The following HSPA12A variants were observed in gnomAD, a reference collection of about 807,000 sequenced individuals.
HSPA12A encodes the protein heat shock protein family A (Hsp70) member 12A.
HSPA12A carries 28 observed loss-of-function variants against 69.2 expected under a neutral mutation model. The observed-to-expected ratio is 0.40, with a 90% CI of 0.30 to 0.55. The LOEUF (loss-of-function observed/expected upper bound fraction) is 0.55. Among genes scored for constraint, HSPA12A ranks in the 20% least tolerant of loss-of-function variants. The pLI is 0.38. For missense variants in HSPA12A, 686 were observed against 900.7 expected (o/e 0.76, Z 3.05); for synonymous variants, 345 against 370.5 (o/e 0.93, Z 0.79).
intron 9 of HSPA12A, among the ~76,000 whole-genome samples, chr10:116,680,898 C>T (rs1554878484): frequency 6.6e-6 from 1 of 152,242 alleles, no homozygotes. Context: ...TTTTCAGAAA[C>T]CAGCGCCCTT....
intron 6 of HSPA12A, among the ~76,000 whole-genome samples, chr10:116,690,145 A>C (rs1849695424): frequency 6.6e-6 from 1 of 152,124 alleles, no homozygotes; most frequent in South Asian, 2.1e-4. Context: ...AGAGTTGCAA[A>C]TTTCACTTCC....
intron 2 of HSPA12A, among the ~76,000 whole-genome samples, chr10:116,817,395 A>C (rs1845325470): frequency 6.6e-6 from 1 of 152,110 alleles, no homozygotes; most frequent in Non-Finnish European, 1.5e-5. Flanking sequence ...GCTGGGTGCT[A>C]ACCCTCGGCA....
At chr10:116,707,883 T>G (rs911376304) in intron 1 of HSPA12A, among the ~76,000 whole-genome samples, 11 of 151,790 alleles carry the variant, frequency 7.2e-5, no homozygotes, top group African/African-American at 2.7e-4. Context: ...ATACTGAAGG[T>G]TTGGGACCTT....
intron 2 of HSPA12A, among the ~76,000 whole-genome samples, chr10:116,812,221 G>A (rs953487960): frequency 6.6e-6 from 1 of 152,126 alleles, no homozygotes; most frequent in African/African-American, 2.4e-5. Flanking sequence ...GGGAGGCTGA[G>A]GCAGGCAGAT....
chr10:116,677,984 CTT>C (rs5788184), intron 10 of HSPA12A, among the ~76,000 whole-genome samples: 151 of 148,138 alleles, frequency 1.0e-3, no homozygotes, highest in Admixed American at 1.2e-3. Flanking sequence ...GAAATTGATT[CTT>C]TTTTTTTTTT....
At chr10:116,838,950 T>A (rs146966780) in intron 1 of HSPA12A, among the ~76,000 whole-genome samples, 1,793 of 152,334 alleles carry the variant, frequency 0.012, 40 homozygotes, top group African/African-American at 0.04. Context: ...GAGCACCTTA[T>A]GTACTTAGTA....
chr10:116,703,946 T>A (rs964378152), intron 3 of HSPA12A, among the ~76,000 whole-genome samples: 28 of 152,228 alleles, frequency 1.8e-4, no homozygotes, highest in African/African-American at 6.3e-4. Context: ...CCAGCACTTC[T>A]CTTCACTTGA....
chr10:116,678,797 A>G (rs555779626), intron 10 of HSPA12A, among the ~76,000 whole-genome samples: 1 of 152,286 alleles, frequency 6.6e-6, no homozygotes, highest in East Asian at 1.9e-4. Flanking sequence ...AGGACCTGAC[A>G]GTTGTTGAAG....
chr10:116,775,813 C>T (rs79226121), intron 2 of HSPA12A, among the ~76,000 whole-genome samples: 3,973 of 152,216 alleles, frequency 0.026, 78 homozygotes, highest in Non-Finnish European at 0.041. Flanking sequence ...AATCCTGCAG[C>T]CCCTATGACC....
At chr10:116,766,391 A>G (rs1213227433) in intron 2 of HSPA12A, among the ~76,000 whole-genome samples, 9 of 151,990 alleles carry the variant, frequency 5.9e-5, no homozygotes, top group Non-Finnish European at 8.8e-5. Flanking sequence ...TGGCTTGGAG[A>G]GGAGCCAAAA....
rs150588321 is a variant in HSPA12A at position 116,768,846 on chromosome 10, C to G, written c.92-61561G>C. Among the ~76,000 whole-genome samples, 842 of 152,244 alleles carry G rather than the reference C, an allele frequency of 5.5e-3. 4 individuals are homozygous for G. The highest frequency in any genetic ancestry group is 9.0e-3 in the Non-Finnish European group (610 of 68,014). On this transcript the variant is annotated intron_variant, in intron 2 of 12. Coordinates refer to the HSPA12A transcript ENST00000635765. Reference sequence around the variant, plus strand: ...AAGCAGCCTGCTGACATCACCCTGACTTTGGCCTTAGCACAGCCCCCTATT... The same window carrying G: ...AAGCAGCCTGCTGACATCACCCTGAGTTTGGCCTTAGCACAGCCCCCTATT...
intron 2 of HSPA12A, among the ~76,000 whole-genome samples, chr10:116,774,305 G>A (rs571066437): frequency 4.0e-4 from 61 of 152,254 alleles, no homozygotes; most frequent in Admixed American, 7.8e-4. Flanking sequence ...CACCGCGCCC[G>A]GCCGGCAAGG....
intron 2 of HSPA12A, among the ~76,000 whole-genome samples, chr10:116,805,573 T>C (rs930282441): frequency 6.6e-6 from 1 of 152,100 alleles, no homozygotes; most frequent in Non-Finnish European, 1.5e-5. Context: ...GCTGTTTCCG[T>C]TGATGTTGGG....
intron 2 of HSPA12A, among the ~76,000 whole-genome samples, chr10:116,768,056 T>G (rs1844118656): frequency 6.6e-6 from 1 of 152,168 alleles, no homozygotes; most frequent in African/African-American, 2.4e-5. Flanking sequence ...TGGACACAAG[T>G]GTTCACAGCA....
chr10:116,805,850 G>A (rs1845057024), intron 2 of HSPA12A, among the ~76,000 whole-genome samples: 1 of 152,208 alleles, frequency 6.6e-6, no homozygotes, highest in African/African-American at 2.4e-5. Flanking sequence ...AAAGGTGTCA[G>A]GTTGTCACTG....
chr10:116,725,895 A>T (rs1850937984), intron 1 of HSPA12A, among the ~76,000 whole-genome samples: 1 of 152,136 alleles, frequency 6.6e-6, no homozygotes, highest in Non-Finnish European at 1.5e-5. Flanking sequence ...TGCATTCAGC[A>T]TGCTTGCGTG....
rs542113854 is a variant in HSPA12A, at chr10:116,834,654, CGT to C, written c.91+279_91+280del. ...CCGGATGCTAGGTCCACAATCTGTGCGTGTGAGTGTGGCCAGCGATGATTCTA... is the reference window on the plus strand; with the variant it reads ...CCGGATGCTAGGTCCACAATCTGTGCGTGAGTGTGGCCAGCGATGATTCTA... On this transcript the variant is annotated intron_variant, in intron 2 of 12. Transcript: ENST00000635765. Among the ~76,000 whole-genome samples, 4 of 152,262 alleles carry C rather than the reference CGT, an allele frequency of 2.6e-5. No homozygotes were observed. The South Asian group carries it at 6.2e-4, about 24-fold the overall frequency.
intron 2 of HSPA12A, among the ~76,000 whole-genome samples, chr10:116,763,563 G>T (rs1296301591): frequency 6.6e-6 from 1 of 152,186 alleles, no homozygotes; most frequent in African/African-American, 2.4e-5. Context: ...CCCAGAATCT[G>T]GGTGGAACTG....
intron 2 of HSPA12A, among the ~76,000 whole-genome samples, chr10:116,771,438 A>T (rs1245103580): frequency 6.6e-6 from 1 of 152,092 alleles, no homozygotes; most frequent in Non-Finnish European, 1.5e-5. Flanking sequence ...GTGAAGGGTC[A>T]CCCTCCTCCG....
Sources: allele counts gnomAD v4.1 joint callset (sites outside exome capture counted in the v4.1 genomes callset), GRCh38; gene constraint gnomAD v4.1.1; transcripts MANE v1.5; gene names NCBI Gene and HGNC (gene_info 2026-07-23, HGNC 2026-07-21).